The following RARB variants were observed in gnomAD, a reference collection of about 807,000 sequenced individuals.
RARB encodes retinoic acid receptor beta.
A neutral mutation model predicts 51.9 loss-of-function variants in RARB; 17 were observed. The observed-to-expected ratio is 0.33, with a 90% CI of 0.22 to 0.49. The LOEUF is 0.49. Ranked by LOEUF, RARB falls within the 20% of genes least tolerant of loss-of-function variation. The pLI is 0.99. For synonymous variants in RARB, 215 were observed against 195.4 expected, an observed-to-expected ratio of 1.10 and a Z score of -0.84; for missense variants, 369 against 550.8, an observed-to-expected ratio of 0.67 and a Z score of 3.30.
intron 5 of RARB, among the ~76,000 whole-genome samples, chr3:25,196,417 T>G (rs551602892): frequency 2.5e-4 from 38 of 152,280 alleles, no homozygotes; most frequent in African/African-American, 8.4e-4. Context: ...TCTTTATGGC[T>G]GCATAGTATT....
chr3:25,089,106 T>G (rs1346628586), intron 3 of RARB, among the ~76,000 whole-genome samples: 1 of 152,088 alleles, frequency 6.6e-6, no homozygotes, highest in East Asian at 1.9e-4. Context: ...AATTAGAGAT[T>G]CTTCTCAAGG....
At chr3:24,897,934 C>T (rs943111141) in intron 2 of RARB, among the ~76,000 whole-genome samples, 4 of 152,102 alleles carry the variant, frequency 2.6e-5, no homozygotes, top group Non-Finnish European at 5.9e-5. Flanking sequence ...TTTTTATTTT[C>T]CCAGAAGCAT....
At chr3:25,219,570 T>A (rs1302484433) in intron 5 of RARB, among the ~76,000 whole-genome samples, 1 of 152,196 alleles carries the variant, frequency 6.6e-6, no homozygotes, top group East Asian at 1.9e-4. Flanking sequence ...GGGAAGTGCC[T>A]GTTCCTTTGT....
Position 25,360,990 on chromosome 3 carries a change from T to C in RARB, c.179-100203T>C, listed in dbSNP as rs150258826. On this transcript the variant is annotated intron_variant, in intron 5 of 11. Transcript: ENST00000383772. ...CTCTTCTCAAGGAGTGTCTTAGTGG[T>C]GTTCTCTGTATTTCCTGAATTTGAA... Among the ~76,000 whole-genome samples the C allele has an allele frequency of 1.1e-4, 17 of 152,212 alleles. 1 individual carries two copies. The highest frequency in any genetic ancestry group is 4.6e-4 in the Admixed American group (7 of 15,288).
chr3:25,456,669 A>G (rs1237343168), intron 1 of RARB, among the ~76,000 whole-genome samples: 1 of 104,254 alleles, frequency 9.6e-6, no homozygotes, highest in Non-Finnish European at 1.9e-5. Flanking sequence ...GAATATATAT[A>G]TATATATATA....
chr3:24,999,641 A>T (rs547589629), intron 2 of RARB, among the ~76,000 whole-genome samples: 1 of 152,284 alleles, frequency 6.6e-6, no homozygotes, highest in South Asian at 2.1e-4. Context: ...AAATGGCACA[A>T]TGAGGATGCT....
At chr3:25,081,674 C>CCAGGTTGG (rs373062077) in intron 3 of RARB, among the ~76,000 whole-genome samples, 2 of 99,748 alleles carry the variant, frequency 2.0e-5, no homozygotes, top group African/African-American at 7.9e-5. Context: ...CTCTTGTTGC[C>CCAGGTTGG]CAGGTTGGAG....
At chr3:25,198,244 C>A (rs1362640013) in intron 5 of RARB, among the ~76,000 whole-genome samples, 2 of 152,034 alleles carry the variant, frequency 1.3e-5, no homozygotes, top group African/African-American at 4.8e-5. Context: ...AAACTAGACC[C>A]CTTCTCTTAC....
intron 1 of RARB, among the ~76,000 whole-genome samples, chr3:25,457,140 C>G (rs1694959819): frequency 6.6e-6 from 1 of 152,104 alleles, no homozygotes; most frequent in Admixed American, 6.6e-5. Context: ...CTCAGACATT[C>G]TGGCATAATA....
intron 3 of RARB, among the ~76,000 whole-genome samples, chr3:25,547,749 C>T (rs368030993): frequency 3.0e-4 from 45 of 151,728 alleles, no homozygotes; most frequent in South Asian, 1.0e-3. Flanking sequence ...GATGGATGGA[C>T]GAATGGACAT....
intron 5 of RARB, among the ~76,000 whole-genome samples, chr3:25,188,170 T>G (rs189480110): frequency 1.3e-5 from 2 of 152,214 alleles, no homozygotes; most frequent in African/African-American, 4.8e-5. Flanking sequence ...AGCAAGCATA[T>G]TAATAGTCTT....
At chr3:25,274,602 G>T (rs1408167327) in intron 5 of RARB, among the ~76,000 whole-genome samples, 1 of 152,186 alleles carries the variant, frequency 6.6e-6, no homozygotes, top group African/African-American at 2.4e-5. Flanking sequence ...TAATAATGCT[G>T]TGAAACAACC....
At chr3:25,334,621 A>G (rs537748021) in intron 5 of RARB, among the ~76,000 whole-genome samples, 1 of 152,320 alleles carries the variant, frequency 6.6e-6, no homozygotes, top group African/African-American at 2.4e-5. Flanking sequence ...TGGCACATGT[A>G]TACATATGTA....
At chr3:25,318,863 C>G (rs764302432) in intron 5 of RARB, among the ~76,000 whole-genome samples, 3 of 152,136 alleles carry the variant, frequency 2.0e-5, no homozygotes, top group Non-Finnish European at 4.4e-5. Flanking sequence ...TGTCATCAGA[C>G]AATATCCTTA....
chr3:25,293,610 A>AAAAAAAAAAAAAAAAAAAAAAAAAT, intron 5 of RARB, among the ~76,000 whole-genome samples: 1 of 149,944 alleles, frequency 6.7e-6, no homozygotes, highest in Non-Finnish European at 1.5e-5. Flanking sequence ...AAAAAAAAAA[A>AAAAAAAAAAAAAAAAAAAAAAAAAT]AAAAAAAAGT....
At chr3:25,384,013 T>C (rs554960238) in intron 5 of RARB, among the ~76,000 whole-genome samples, 54 of 152,306 alleles carry the variant, frequency 3.5e-4, no homozygotes, top group Admixed American at 1.6e-3. Context: ...TGTAAGATCA[T>C]TTTTTAGTTG....
chr3:25,208,836 C>G (rs1701625604), intron 5 of RARB, among the ~76,000 whole-genome samples: 1 of 152,004 alleles, frequency 6.6e-6, no homozygotes, highest in African/African-American at 2.4e-5. Context: ...GACTCAGGGC[C>G]CATCATACTC....
chr3:25,300,290 G>A (rs1704009985), intron 5 of RARB, among the ~76,000 whole-genome samples: 1 of 152,228 alleles, frequency 6.6e-6, no homozygotes, highest in African/African-American at 2.4e-5. Flanking sequence ...GTAAGATGCT[G>A]TAAAATGTGG....
chr3:25,579,384 C>T (rs532328651), intron 4 of RARB, among the ~76,000 whole-genome samples: 6 of 152,334 alleles, frequency 3.9e-5, no homozygotes, highest in East Asian at 1.9e-4. Context: ...CCTGCCTTCC[C>T]GCTCCTGGAA....
Sources: allele counts gnomAD v4.1 joint callset (sites outside exome capture counted in the v4.1 genomes callset), GRCh38; gene constraint gnomAD v4.1.1; transcripts MANE v1.5; gene names NCBI Gene and HGNC (gene_info 2026-07-23, HGNC 2026-07-21).